Variants in MAF observed in about 807,000 individuals in gnomAD.
MAF encodes MAF bZIP transcription factor, also known as transcription factor Maf.
Under a neutral mutation model 22.0 loss-of-function variants are expected in MAF, and 10 were observed. The ratio of observed to expected loss-of-function variants is 0.45; its 90% CI spans 0.28 to 0.77. MAF has a LOEUF of 0.77. Among genes scored for constraint, MAF ranks in the 30% least tolerant of loss-of-function variants. The pLI is 0.12. For synonymous variants in MAF, 337 were observed against 255.8 expected (o/e 1.32, Z -3.03); for missense variants, 544 against 548.4 (o/e 0.99, Z 0.08).
the MAF span, among the ~76,000 whole-genome samples, chr16:79,493,549 AGT>A: frequency 1.3e-5 from 2 of 152,156 alleles, no homozygotes; most frequent in Admixed American, 1.3e-4. Flanking sequence ...CCTGATTTCA[AGT>A]GATTCTCCTG....
chr16:79,212,157 ACCACCACGG>A, the MAF span: 34 of 1,502,854 alleles, frequency 2.3e-5, no homozygotes, highest in African/African-American at 2.8e-4. Context: ...CCATCCAGCT[ACCACCACGG>A]CCACCACTGC....
the MAF span, among the ~76,000 whole-genome samples, chr16:79,472,454 T>C: frequency 2.0e-5 from 3 of 152,050 alleles, no homozygotes; most frequent in Admixed American, 6.6e-5. Flanking sequence ...AAGAACAAAA[T>C]ACAAATGCAT....
the MAF span, among the ~76,000 whole-genome samples, chr16:79,443,415 GA>G: frequency 6.6e-6 from 1 of 152,192 alleles, no homozygotes; most frequent in Non-Finnish European, 1.5e-5. Context: ...CTAACTGGGG[GA>G]CTTTCTGGTT....
At chr16:79,316,942 C>T in the MAF span, among the ~76,000 whole-genome samples, 2 of 152,202 alleles carry the variant, frequency 1.3e-5, no homozygotes, top group African/African-American at 4.8e-5. Flanking sequence ...CTCGTGAATT[C>T]ACCTAGCGAA....
At chr16:79,597,744 G>T in intron 1 of MAF, 1 of 1,014,700 alleles carries the variant, frequency 9.9e-7, no homozygotes. Flanking sequence ...CCATTTCCAA[G>T]CCAAAAGGAA....
the MAF span, among the ~76,000 whole-genome samples, chr16:79,364,139 G>A: frequency 6.6e-6 from 1 of 152,158 alleles, no homozygotes; most frequent in Admixed American, 6.5e-5. Context: ...TGTCCTACAT[G>A]CCCTAATTGG....
the MAF span, among the ~76,000 whole-genome samples, chr16:79,263,370 A>G: frequency 5.9e-5 from 9 of 152,202 alleles, no homozygotes; most frequent in African/African-American, 1.4e-4. Flanking sequence ...TTTGGAGGAT[A>G]TGATTTGATT....
chr16:79,542,595 C>T, the MAF span, among the ~76,000 whole-genome samples: 56 of 152,318 alleles, frequency 3.7e-4, 1 homozygote, highest in South Asian at 9.7e-3. Flanking sequence ...TCAGAGGTCT[C>T]CACTCTGGGT....
the MAF span, among the ~76,000 whole-genome samples, chr16:79,403,362 C>A: frequency 6.6e-5 from 10 of 152,172 alleles, no homozygotes; most frequent in African/African-American, 1.7e-4. Context: ...CCTGGGTTAT[C>A]AACCTAAGAG....
At chr16:79,218,055 CTT>C in the MAF span, among the ~76,000 whole-genome samples, 2 of 132,692 alleles carry the variant, frequency 1.5e-5, no homozygotes, top group East Asian at 5.3e-4. Context: ...TCTATTAACT[CTT>C]TGTGTCTTTC....
At chr16:79,519,467 C>G in the MAF span, among the ~76,000 whole-genome samples, 2 of 152,188 alleles carry the variant, frequency 1.3e-5, no homozygotes, top group African/African-American at 4.8e-5. Flanking sequence ...CCAGGGAGAG[C>G]TGCTGCCAGG....
chr16:79,534,650 T>G, the MAF span, among the ~76,000 whole-genome samples: 1 of 152,058 alleles, frequency 6.6e-6, no homozygotes, highest in Non-Finnish European at 1.5e-5. Flanking sequence ...AACGAGTTAA[T>G]GGGTACAGCA....
chr16:79,594,591 A>T (rs771739348), intron 1 of MAF, 38 bp from the exon 2 acceptor site: 73 of 1,552,088 alleles, frequency 4.7e-5, no homozygotes, highest in Admixed American at 2.0e-4. Flanking sequence ...CACTATTTAG[A>T]CAAAGATCAA....
chr16:79,585,669 G>A (rs970077301), downstream of MAF, among the ~76,000 whole-genome samples: 10 of 151,996 alleles, frequency 6.6e-5, no homozygotes, highest in South Asian at 6.2e-4. Context: ...CACATATATC[G>A]CATGTATCCC....
At chr16:79,504,721 G>T in the MAF span, among the ~76,000 whole-genome samples, 2 of 152,158 alleles carry the variant, frequency 1.3e-5, no homozygotes, top group African/African-American at 4.8e-5. Context: ...ATGATGGATG[G>T]ATATAAAATG....
the MAF span, among the ~76,000 whole-genome samples, chr16:79,419,908 C>G: frequency 1.4e-5 from 2 of 139,540 alleles, no homozygotes; most frequent in African/African-American, 3.1e-5. Flanking sequence ...TTTTAAATCT[C>G]CCGGAAAAAA....
the MAF span, among the ~76,000 whole-genome samples, chr16:79,465,935 T>C: frequency 5.7e-4 from 86 of 152,208 alleles, 1 homozygote; most frequent in Admixed American, 7.9e-4. Flanking sequence ...CATTTGCAAA[T>C]ATTAAATCTT....
the MAF span, among the ~76,000 whole-genome samples, chr16:79,327,018 C>A: frequency 7.9e-5 from 12 of 152,344 alleles, no homozygotes; most frequent in South Asian, 1.0e-3. Flanking sequence ...GGGGTTTGGA[C>A]CCCGGCATTC....
chr16:79,532,352 G>A, the MAF span, among the ~76,000 whole-genome samples: 5 of 152,324 alleles, frequency 3.3e-5, no homozygotes, highest in Middle Eastern at 3.4e-3. Context: ...ATGCAAATAA[G>A]AGAGTTGGTT....
Sources: gnomAD v4.1 joint callset for allele counts (sites outside exome capture counted in the v4.1 genomes callset) on GRCh38, gnomAD v4.1.1 for gene constraint, MANE v1.5 for transcripts, NCBI Gene and HGNC (gene_info 2026-07-23, HGNC 2026-07-21) for gene names.